Variants in MUC17 observed in about 807,000 individuals in gnomAD.
MUC17 encodes mucin 17, cell surface associated, also known as mucin-17.
MUC17 carries 190 observed loss-of-function variants against 170.3 expected under a neutral mutation model. That is an observed-to-expected ratio of 1.12 (90% CI 0.99 to 1.26). The LOEUF (loss-of-function observed/expected upper bound fraction) is 1.26. Among genes scored for constraint, MUC17 ranks in the 50% most tolerant of loss-of-function variants. The pLI, the probability that MUC17 is intolerant of heterozygous loss-of-function variation, is 0.00. For synonymous variants in MUC17, 2,325 were observed against 2,002.5 expected (o/e 1.16, Z -4.30); for missense variants, 6,415 against 5,530.0 (o/e 1.16, Z -5.08).
chr7:101,058,115 T>G lies in MUC17; in HGVS notation c.*71T>G. The G allele has an allele frequency of 2.2e-6, 3 of 1,386,944 alleles. No individual in the cohort carries two copies. The highest frequency in any genetic ancestry group is 3.1e-6 in the Non-Finnish European group (3 of 974,966). The allele number at this position is 1,386,944 out of a possible 1,614,324, so 85.9% of individuals were successfully genotyped here. A position where few individuals can be genotyped will look rare whatever the true frequency, so the allele number is the denominator to read the frequency against. ...TAAGCTTGGTGGAGCATTTTCCCAT[T>G]GAGAGCCTTCCATGGGAACTCAATG... On this transcript the variant is annotated 3_prime_UTR_variant, in exon 13 of 13. Coordinates refer to ENST00000306151, the MANE Select transcript of MUC17 (RefSeq NM_001040105.2).
Position 101,040,767 on chromosome 7 carries a change from G to A in MUC17, c.9351G>A (p.Val3117=), listed in dbSNP as rs569281524. The change falls in exon 3 of 13, where the codon GTG becomes GTA. Residue 3117 remains valine (V), a synonymous_variant. Coordinates refer to ENST00000306151, the MANE Select transcript of MUC17 (RefSeq NM_001040105.2). The stretch of plus-strand genomic sequence containing the variant: ...GTGTGCCTGTCAGCACCACACCGGT[G>A]ACCAGTTCTGCAATCAGCACCCTTT... ...LTGVPVSTTP[V]TSSAISTLST... 1 of 1,612,582 alleles carries A rather than the reference G, an allele frequency of 6.2e-7. No homozygotes were observed. The highest frequency in any genetic ancestry group is 8.5e-7 in the Non-Finnish European group (1 of 1,179,558).
chr7:101,056,168 C>A, intron 11 of MUC17, 26 bp from the exon 12 acceptor site: 1 of 1,613,406 alleles, frequency 6.2e-7, no homozygotes, highest in Non-Finnish European at 8.5e-7. Context: ...CTCCTGTTTC[C>A]ATGGTGCTTT....
intron 12 of MUC17, among the ~76,000 whole-genome samples, chr7:101,056,774 C>T (rs1008630945): frequency 6.6e-6 from 1 of 152,214 alleles, no homozygotes; most frequent in Non-Finnish European, 1.5e-5. Flanking sequence ...ATATCCAATA[C>T]ATTGATCATA....
chr7:101,053,230 T>C, intron 10 of MUC17, 83 bp downstream of exon 10: 10 of 1,586,700 alleles, frequency 6.3e-6, no homozygotes, highest in Non-Finnish European at 7.7e-6. Flanking sequence ...AATCACTTCA[T>C]AGTCTAGGTG....
chr7:101,056,709 C>T (rs899373144), intron 12 of MUC17, among the ~76,000 whole-genome samples: 2 of 152,224 alleles, frequency 1.3e-5, no homozygotes, highest in Non-Finnish European at 2.9e-5. Flanking sequence ...CAGCTGCCAA[C>T]ATTATGACAC....
In MUC17 at chr7:101,034,077, A is replaced by C. The variant is rs778344562; in HGVS notation, c.2661A>C (p.Thr887=). ...VATSAISTLS[T]TPVDTSTPVT... is the part of the protein sequence containing the mutation. Reference sequence around the variant, plus strand: ...CTTCTGCAATCAGCACCCTTTCAACAACTCCTGTTGACACCAGCACACCTG... The same window carrying C: ...CTTCTGCAATCAGCACCCTTTCAACCACTCCTGTTGACACCAGCACACCTG... The change falls in exon 3 of 13, where the codon ACA becomes ACC. Residue 887 remains threonine (T), a synonymous_variant. Coordinates refer to ENST00000306151, the MANE Select transcript of MUC17 (RefSeq NM_001040105.2). The C allele has an allele frequency of 1.6e-5, 26 of 1,584,436 alleles. 1 individual carries two copies.
Position 101,037,024 on chromosome 7 carries a change from A to G in MUC17, c.5608A>G (p.Thr1870Ala), listed in dbSNP as rs1794507847. The G allele has an allele frequency of 6.3e-7, 1 of 1,583,508 alleles. No individual in the cohort carries two copies. The highest frequency in any genetic ancestry group is 1.7e-5 in the Admixed American group (1 of 58,194). Residue 1870 changes from threonine to alanine, a missense_variant, in exon 3 of 13, where the codon ACA becomes GCA. Coordinates refer to ENST00000306151, the MANE Select transcript of MUC17 (RefSeq NM_001040105.2). ...GCCTAGTGAAGGAAGCACTGCATTA[A>G]CAAGTATACCTGTCAGCACCACAAC... The part of the protein sequence containing the change: ...STPSEGSTAL[T>A]SIPVSTTTVA...
At chr7:101,047,829 C>T (rs1429793097) in intron 3 of MUC17, among the ~76,000 whole-genome samples, 155 bp from the exon 4 acceptor site, 1 of 152,094 alleles carries the variant, frequency 6.6e-6, no homozygotes, top group African/African-American at 2.4e-5. Context: ...AAAACTCGGA[C>T]TCAAAAAACA....
At chr7:101,043,971 G>A (rs190089920) in intron 3 of MUC17, 152 bp downstream of exon 3, 81 of 761,208 alleles carry the variant, frequency 1.1e-4, no homozygotes, top group African/African-American at 1.0e-3. Flanking sequence ...GGTATTTCTC[G>A]TAATGCTATC....
chr7:101,053,296 T>C, intron 10 of MUC17, 43 bp from the exon 11 acceptor site: 2 of 1,594,014 alleles, frequency 1.3e-6, no homozygotes, highest in South Asian at 1.1e-5. Context: ...CTTATTCCTG[T>C]TCCCCAATCC....
intron 1 of MUC17, 56 bp from the exon 2 acceptor site, chr7:101,031,062 CAA>C: frequency 6.4e-7 from 1 of 1,550,458 alleles, no homozygotes; most frequent in Non-Finnish European, 8.7e-7. Context: ...TCAGAGTCTT[CAA>C]GAGAATGAAG....
rs1794446886 is a variant in MUC17 at position 101,035,597 on chromosome 7, G to C, written c.4181G>C (p.Gly1394Ala). 6.2e-7 allele frequency: 1 copy of C among 1,613,260 alleles called. No individual in the cohort carries two copies. Among genetic ancestry groups the C allele is most frequent in the East Asian group, 2.2e-5 (1 of 44,802 alleles). ...TSMPNSNPSE[G>A]TTPLTSIPVS... is the part of the protein sequence containing the mutation. ...ATGCCAAACTCAAATCCTAGTGAAG[G>C]AACCACTCCGTTAACAAGTATACCT... Residue 1394 changes from glycine (G) to alanine (A), a missense_variant, in exon 3 of 13, where the codon GGA becomes GCA. By Grantham distance (60) the Gly-to-Ala change is moderately conservative. Transcript: ENST00000306151.
rs1004713894 is a variant in MUC17 at position 101,032,875 on chromosome 7, A to T, written c.1459A>T (p.Thr487Ser). ...VDSKTQVTTSTEASSSPPTAE... is the reference protein window; with the variant it reads ...VDSKTQVTTSSEASSSPPTAE... ...CTCCAAAACTCAGGTGACCACTTCT[A>T]CTGAAGCCAGTTCATCTCCTCCAAC... is the stretch of plus-strand genomic sequence containing the variant. Residue 487 changes from threonine to serine, a missense_variant, in exon 3 of 13, where the codon ACT (threonine) becomes TCT (serine). By Grantham distance (58) the Thr-to-Ser change is moderately conservative (BLOSUM62 1). Coordinates refer to ENST00000306151, the MANE Select transcript of MUC17 (RefSeq NM_001040105.2). 1.2e-6 allele frequency: 2 copies of T among 1,613,876 alleles called. No individual in the cohort carries two copies. Among genetic ancestry groups the T allele is most frequent in the African/African-American group, 2.7e-5 (2 of 74,960 alleles).
Position 101,037,257 on chromosome 7 carries a change from A to G in MUC17, c.5841A>G (p.Ser1947=). ...CCAGTTCTGAAATCAACACCCTTTCAACAACTCTTGCTGACACCAGGACAC... is the reference window on the plus strand; with the variant it reads ...CCAGTTCTGAAATCAACACCCTTTCGACAACTCTTGCTGACACCAGGACAC... ...TVASSEINTL[S]TTLADTRTPV... The change falls in exon 3 of 13, where the codon TCA becomes TCG. Residue 1947 remains serine (S), a synonymous_variant. Coordinates refer to ENST00000306151, the MANE Select transcript of MUC17 (RefSeq NM_001040105.2). 6.2e-7 allele frequency: 1 copy of G among 1,611,074 alleles called. No individual in the cohort carries two copies. Among genetic ancestry groups the G allele is most frequent in the Non-Finnish European group, 8.5e-7 (1 of 1,178,152 alleles).
intron 6 of MUC17, among the ~76,000 whole-genome samples, chr7:101,049,922 G>A (rs1220913069): frequency 2.0e-5 from 3 of 152,078 alleles, no homozygotes; most frequent in Non-Finnish European, 4.4e-5. Context: ...TTTGAGGCCG[G>A]GAGCACAAGA....
chr7:101,034,241 G>C lies in MUC17; in HGVS notation c.2825G>C (p.Arg942Thr). 1 of 1,602,060 alleles carries C rather than the reference G, an allele frequency of 6.2e-7. No homozygotes were observed. Among genetic ancestry groups the C allele is most frequent in the African/African-American group, 1.4e-5 (1 of 74,026 alleles). ...STTPVVSSEA[R>T]TLSATPVDTS... is the part of the protein sequence containing the mutation. The stretch of plus-strand genomic sequence containing the variant: ...ACGCCGGTAGTCAGTTCTGAGGCTA[G>C]AACACTTTCAGCAACTCCTGTTGAC... Residue 942 changes from arginine (R) to threonine (T), a missense_variant, in exon 3 of 13, where the codon AGA becomes ACA. Physicochemically the swap from Arg to Thr is moderately conservative, Grantham distance 71. Transcript: ENST00000306151.
At chr7:101,030,440 G>A (rs1156453031) in intron 1 of MUC17, among the ~76,000 whole-genome samples, 2 of 152,036 alleles carry the variant, frequency 1.3e-5, no homozygotes, top group African/African-American at 4.8e-5. Context: ...GGCCAGGCTG[G>A]TCTCGAACTC....
Position 101,020,192 on chromosome 7 carries a change from G to T in MUC17, c.57G>T (p.Leu19Phe). 2 of 1,609,554 alleles carry T rather than the reference G, an allele frequency of 1.2e-6. No homozygotes were observed. The highest frequency in any genetic ancestry group is 1.7e-6 in the Non-Finnish European group (2 of 1,178,072). ...LCLLTLVLSLLPPQAAAEQDL... is the reference protein window; with the variant it reads ...LCLLTLVLSLFPPQAAAEQDL... ...TGCTGACCTTGGTCCTCTCGCTCTTGCCCCCACAAGCTGCTGCAGAACAGG... is the reference window on the plus strand; with the variant it reads ...TGCTGACCTTGGTCCTCTCGCTCTTTCCCCCACAAGCTGCTGCAGAACAGG... Residue 19 changes from leucine to phenylalanine, a missense_variant, in exon 1 of 13, where the codon TTG (leucine) becomes TTT (phenylalanine). Coordinates refer to ENST00000306151, the MANE Select transcript of MUC17 (RefSeq NM_001040105.2).
intron 3 of MUC17, 41 bp downstream of exon 3, chr7:101,043,860 C>T: frequency 1.3e-6 from 2 of 1,539,856 alleles, no homozygotes; most frequent in Non-Finnish European, 1.8e-6. Flanking sequence ...TAAAATTATA[C>T]TGTAAGTTCT....
Sources: gnomAD v4.1 joint callset for allele counts (sites outside exome capture counted in the v4.1 genomes callset) on GRCh38, gnomAD v4.1.1 for gene constraint, MANE v1.5 for transcripts, NCBI Gene and HGNC (gene_info 2026-07-23, HGNC 2026-07-21) for gene names.